Variants in KLF12 observed in about 807,000 individuals in gnomAD.
KLF12 encodes the protein KLF transcription factor 12, also known as Krueppel-like factor 12.
A neutral mutation model predicts 37.8 loss-of-function variants in KLF12; 9 were observed. That is an observed-to-expected ratio of 0.24 (90% CI 0.14 to 0.42). The LOEUF is 0.42. Among genes scored for constraint, KLF12 ranks in the 10% least tolerant of loss-of-function variants. The pLI, the probability that KLF12 is intolerant of heterozygous loss-of-function variation, is 1.00. For synonymous variants in KLF12, 208 were observed against 202.1 expected (o/e 1.03, Z -0.25); for missense variants, 411 against 516.0 (o/e 0.80, Z 1.97).
chr13:74,260,689 TA>T, the KLF12 span, among the ~76,000 whole-genome samples: 1 of 150,642 alleles, frequency 6.6e-6, no homozygotes, highest in African/African-American at 2.4e-5. Flanking sequence ...GGAAAAGCAA[TA>T]AAAAAAATAG....
chr13:74,055,884 T>C (rs1463132595), intron 1 of KLF12, among the ~76,000 whole-genome samples: 1 of 152,072 alleles, frequency 6.6e-6, no homozygotes, highest in Non-Finnish European at 1.5e-5. Flanking sequence ...GCTTGGATAA[T>C]GATATCAAAA....
chr13:73,814,480 C>T (rs1008119507), intron 4 of KLF12, among the ~76,000 whole-genome samples: 5 of 152,122 alleles, frequency 3.3e-5, no homozygotes, highest in South Asian at 2.1e-4. Context: ...TATACCTAGA[C>T]GGTTTCAACA....
intron 5 of KLF12, chr13:73,812,739 C>G (rs186155463): frequency 6.5e-6 from 1 of 154,594 alleles, no homozygotes; most frequent in African/African-American, 2.4e-5. Context: ...TATTATTTTC[C>G]AAATTTAAAT....
chr13:73,701,879 C>T lies in KLF12; in HGVS notation c.1028-6208G>A, dbSNP rs1874585654. On this transcript the variant is annotated intron_variant, in intron 7 of 7. Coordinates refer to ENST00000377669, the MANE Select transcript of KLF12 (RefSeq NM_007249.5). ...ATGACCATTTTCACCACAACCTGTG[C>T]TTCTCCAGTTCTGTGAAAAACCTGG... Among the ~76,000 whole-genome samples the T allele has an allele frequency of 3.9e-5, 6 of 152,224 alleles. No individual in the cohort carries two copies. The South Asian group carries it at 1.2e-3, about 32-fold the overall frequency.
chr13:74,234,565 G>T, the KLF12 span, among the ~76,000 whole-genome samples: 1 of 152,152 alleles, frequency 6.6e-6, no homozygotes, highest in South Asian at 2.1e-4. Flanking sequence ...CTTAAAAGCT[G>T]TCCATATTTT....
chr13:73,827,005 T>C (rs1883883735), intron 4 of KLF12, among the ~76,000 whole-genome samples: 2 of 152,190 alleles, frequency 1.3e-5, no homozygotes, highest in African/African-American at 4.8e-5. Flanking sequence ...GATCTTGAAC[T>C]CCTGGGCTTA....
the KLF12 span, among the ~76,000 whole-genome samples, chr13:74,213,475 A>T: frequency 6.6e-6 from 1 of 152,074 alleles, no homozygotes; most frequent in Non-Finnish European, 1.5e-5. Context: ...TGGGTATAGA[A>T]TTGTATCAAT....
the KLF12 span, among the ~76,000 whole-genome samples, chr13:74,268,409 C>T: frequency 0.43 from 65,269 of 151,682 alleles, 16,852 homozygotes; most frequent in East Asian, 0.75. Flanking sequence ...ACAGATGCCT[C>T]TTAGCTCATC....
At chr13:73,810,949 G>GAT (rs1203634617) in intron 5 of KLF12, among the ~76,000 whole-genome samples, 1 of 131,676 alleles carries the variant, frequency 7.6e-6, no homozygotes, top group Non-Finnish European at 1.6e-5. Context: ...ACAAGTAAGA[G>GAT]ATAAACAATG....
chr13:74,232,972 G>A, the KLF12 span, among the ~76,000 whole-genome samples: 10 of 151,996 alleles, frequency 6.6e-5, no homozygotes, highest in Admixed American at 1.3e-4. Flanking sequence ...TGCAACCTCC[G>A]CCTCCTGGGT....
intron 1 of KLF12, among the ~76,000 whole-genome samples, chr13:74,116,274 C>T (rs55723862): frequency 1.6e-4 from 24 of 152,224 alleles, no homozygotes; most frequent in Non-Finnish European, 2.8e-4. Context: ...CATTTCTTTG[C>T]TCCTAGGGAA....
chr13:74,068,825 G>C (rs1214625392), intron 1 of KLF12, among the ~76,000 whole-genome samples: 2 of 152,036 alleles, frequency 1.3e-5, no homozygotes, highest in Non-Finnish European at 2.9e-5. Context: ...CCAAAGTGCT[G>C]GGATTACAGG....
intron 6 of KLF12, among the ~76,000 whole-genome samples, chr13:73,759,009 G>A (rs945845789): frequency 6.6e-6 from 1 of 152,102 alleles, no homozygotes; most frequent in Non-Finnish European, 1.5e-5. Flanking sequence ...ATTAATAGGT[G>A]ATACTGCATT....
intron 3 of KLF12, among the ~76,000 whole-genome samples, chr13:73,923,971 T>C (rs923886105): frequency 2.6e-5 from 4 of 152,190 alleles, no homozygotes; most frequent in Non-Finnish European, 5.9e-5. Flanking sequence ...TGATACTACA[T>C]GTGGGTAAAA....
rs572970064 is a variant in KLF12 at position 73,858,113 on chromosome 13, C to A, written c.124-11740G>T. Among the ~76,000 whole-genome samples the A allele has an allele frequency of 3.3e-5, 5 of 152,192 alleles. 1 individual carries two copies. In the South Asian group the frequency reaches 1.0e-3, roughly 32 times the overall value. On this transcript the variant is annotated intron_variant, in intron 3 of 7. Coordinates refer to ENST00000377669, the MANE Select transcript of KLF12 (RefSeq NM_007249.5). The stretch of plus-strand genomic sequence containing the variant: ...TTTATCTTTTTTCCTATATTTTCTA[C>A]AGCAAATCTTTGCTACTTTTAAAAT...
At chr13:73,946,677 T>C (rs1165598768) in intron 2 of KLF12, among the ~76,000 whole-genome samples, 1 of 152,322 alleles carries the variant, frequency 6.6e-6, no homozygotes, top group African/African-American at 2.4e-5. Context: ...GCCACAACTA[T>C]AATAAACACC....
chr13:74,181,253 T>C, the KLF12 span, among the ~76,000 whole-genome samples: 3,609 of 151,688 alleles, frequency 0.024, 147 homozygotes, highest in African/African-American at 0.08. Flanking sequence ...CCGCTTCGGC[T>C]TCCCAAAGTG....
chr13:73,752,117 G>A (rs760307763), intron 6 of KLF12, among the ~76,000 whole-genome samples: 1 of 152,052 alleles, frequency 6.6e-6, no homozygotes, highest in Admixed American at 6.6e-5. Context: ...TAAGTAGCTG[G>A]GAGTGCAGGC....
intron 2 of KLF12, among the ~76,000 whole-genome samples, chr13:73,964,597 G>A (rs1045843665): frequency 5.3e-5 from 6 of 113,268 alleles, no homozygotes; most frequent in Non-Finnish European, 7.2e-5. Flanking sequence ...GTGAAACTCC[G>A]TCTCTACTTA....
Sources: allele counts gnomAD v4.1 joint callset (sites outside exome capture counted in the v4.1 genomes callset), GRCh38; gene constraint gnomAD v4.1.1; transcripts MANE v1.5; gene names NCBI Gene and HGNC (gene_info 2026-07-23, HGNC 2026-07-21).